Variants in TEAD1 observed in about 807,000 individuals in gnomAD.
TEAD1 encodes the protein transcriptional enhancer factor TEF-1.
A neutral mutation model predicts 54.9 loss-of-function variants in TEAD1; 9 were observed. That is an observed-to-expected ratio of 0.16 (90% confidence interval 0.10 to 0.29). The LOEUF (loss-of-function observed/expected upper bound fraction) is 0.29, where lower values mean the gene tolerates loss of function less well. Ranked by LOEUF, TEAD1 falls within the 10% of genes least tolerant of loss-of-function variation. The probability of loss-of-function intolerance (pLI) is 1.00; values close to 1 mark genes in which losing one functional copy is unlikely to be tolerated. For missense variants in TEAD1, 387 were observed against 535.9 expected, an observed-to-expected ratio of 0.72 and a Z score of 2.74; for synonymous variants, 200 against 187.8, an observed-to-expected ratio of 1.07 and a Z score of -0.53.
At chr11:12,825,648 T>C (rs1946637145) in intron 3 of TEAD1, among the ~76,000 whole-genome samples, 2 of 152,156 alleles carry the variant, frequency 1.3e-5, no homozygotes, top group Admixed American at 1.3e-4. Flanking sequence ...AAAAAAATTG[T>C]CAAGCTGTTT....
At chr11:12,815,827 A>G (rs894790684) in intron 3 of TEAD1, among the ~76,000 whole-genome samples, 3 of 152,246 alleles carry the variant, frequency 2.0e-5, no homozygotes, top group East Asian at 1.9e-4. Context: ...ACACCAACAC[A>G]TATAAGTTGT....
chr11:12,894,627 C>T (rs1307201453), intron 9 of TEAD1, among the ~76,000 whole-genome samples: 1 of 152,116 alleles, frequency 6.6e-6, no homozygotes, highest in Non-Finnish European at 1.5e-5. Flanking sequence ...ACGCCAGACC[C>T]CACAAGGCTT....
At chr11:12,867,232 T>A (rs747930779) in intron 5 of TEAD1, among the ~76,000 whole-genome samples, 3 of 152,142 alleles carry the variant, frequency 2.0e-5, no homozygotes, top group Non-Finnish European at 2.9e-5. Context: ...GGTGGGAGAA[T>A]GTTTTCAAGC....
At chr11:12,864,923 G>T in intron 5 of TEAD1, 23 bp downstream of exon 5, 1 of 1,613,660 alleles carries the variant, frequency 6.2e-7, no homozygotes, top group Non-Finnish European at 8.5e-7. Flanking sequence ...CTGCTTTTTG[G>T]CTTGTGGTTG....
At chr11:12,810,568 C>T (rs10500760) in intron 3 of TEAD1, among the ~76,000 whole-genome samples, 6,902 of 152,240 alleles carry the variant, frequency 0.045, 560 homozygotes, top group African/African-American at 0.16. Context: ...CCTTAGTCTT[C>T]GGAGTCGTTT....
At chr11:12,687,277 A>G (rs1220295966) in intron 2 of TEAD1, among the ~76,000 whole-genome samples, 1 of 152,210 alleles carries the variant, frequency 6.6e-6, no homozygotes, top group Non-Finnish European at 1.5e-5. Flanking sequence ...TTATCATACC[A>G]TCCATAACCC....
rs111385963 is a variant in TEAD1 at position 12,772,450 on chromosome 11, G to A, written c.202+8016G>A. Among the ~76,000 whole-genome samples the A allele has an allele frequency of 2.2e-3, 338 of 152,262 alleles. 1 individual carries two copies. The highest frequency in any genetic ancestry group is 7.4e-3 in the African/African-American group (308 of 41,544). ...AATGGAGGAGGATGGGGGGAGGGCCGAGAGGGGGCCTCATTGCTTCTCTCA... is the reference window on the plus strand; with the variant it reads ...AATGGAGGAGGATGGGGGGAGGGCCAAGAGGGGGCCTCATTGCTTCTCTCA... On this transcript the variant is annotated intron_variant, in intron 3 of 12. Transcript: ENST00000527636.
intron 9 of TEAD1, among the ~76,000 whole-genome samples, chr11:12,891,148 G>A (rs1190463107): frequency 6.6e-6 from 1 of 152,192 alleles, no homozygotes; most frequent in Non-Finnish European, 1.5e-5. Flanking sequence ...TAAGAGAATG[G>A]AAGGGAGATG....
intron 3 of TEAD1, among the ~76,000 whole-genome samples, chr11:12,859,048 C>A (rs925584716): frequency 2.0e-5 from 3 of 152,232 alleles, no homozygotes; most frequent in Admixed American, 2.0e-4. Context: ...ATGGGACCAC[C>A]ATCATGTATG....
At chr11:12,796,473 C>T (rs914928168) in intron 3 of TEAD1, among the ~76,000 whole-genome samples, 1 of 152,166 alleles carries the variant, frequency 6.6e-6, no homozygotes, top group Non-Finnish European at 1.5e-5. Flanking sequence ...TGCTTGTAAT[C>T]CCAGCACTTT....
rs775145832 is a variant in TEAD1 at position 12,925,022 on chromosome 11, C to G, written c.984C>G (p.Ser328=). The G allele has an allele frequency of 5.6e-6, 9 of 1,614,132 alleles. No homozygotes were observed. Among genetic ancestry groups the G allele is most frequent in the Non-Finnish European group, 7.6e-6 (9 of 1,180,028 alleles). The change falls in exon 11 of 13, where the codon TCC becomes TCG. Residue 328 remains serine, a synonymous_variant. Transcript: ENST00000527636. ...TCACCTGTTCCACCAAAGTTTGCTC[C>G]TTTGGGAAGCAAGTAGTAGAAAAAG...
intron 5 of TEAD1, among the ~76,000 whole-genome samples, chr11:12,874,997 T>A (rs1013650010): frequency 2.6e-5 from 4 of 152,212 alleles, no homozygotes; most frequent in East Asian, 1.9e-4. Context: ...CTTGCTCATA[T>A]GCACACGCAC....
chr11:12,877,841 C>T (rs984972142), intron 5 of TEAD1, among the ~76,000 whole-genome samples: 1 of 147,408 alleles, frequency 6.8e-6, no homozygotes, highest in Non-Finnish European at 1.5e-5. Context: ...ACTGCCCAGG[C>T]TTGAGTGCAG....
At chr11:12,691,557 G>C (rs1204907932) in intron 2 of TEAD1, among the ~76,000 whole-genome samples, 1 of 152,028 alleles carries the variant, frequency 6.6e-6, no homozygotes, top group Non-Finnish European at 1.5e-5. Flanking sequence ...GGCCTCTTTG[G>C]CTCTCATTTG....
chr11:12,698,022 C>CAAAA (rs1409217799), intron 2 of TEAD1, among the ~76,000 whole-genome samples: 1 of 61,200 alleles, frequency 1.6e-5, no homozygotes, highest in Non-Finnish European at 3.3e-5. Context: ...AACTCCGTCT[C>CAAAA]AAAAAAAAAA....
At chr11:12,824,991 G>T (rs564934403) in intron 3 of TEAD1, among the ~76,000 whole-genome samples, 96 of 152,116 alleles carry the variant, frequency 6.3e-4, no homozygotes, top group African/African-American at 2.2e-3. Context: ...TGACATTTTT[G>T]ATTCTGTTCT....
At chr11:12,760,413 T>C (rs1026935401) in intron 2 of TEAD1, among the ~76,000 whole-genome samples, 1 of 152,220 alleles carries the variant, frequency 6.6e-6, no homozygotes, top group Admixed American at 6.5e-5. Flanking sequence ...TTGAGTTCCA[T>C]GGCTTAAGGG....
intron 2 of TEAD1, among the ~76,000 whole-genome samples, chr11:12,760,520 A>G (rs1945078672): frequency 6.6e-6 from 1 of 152,142 alleles, no homozygotes; most frequent in Non-Finnish European, 1.5e-5. Flanking sequence ...TTATTTACTG[A>G]ATTTAGTGAA....
chr11:12,761,561 G>A (rs1945103645), intron 2 of TEAD1, among the ~76,000 whole-genome samples: 1 of 152,174 alleles, frequency 6.6e-6, no homozygotes, highest in Non-Finnish European at 1.5e-5. Context: ...ACCTCTGAGG[G>A]GCAGGAGCTT....
Sources: allele counts gnomAD v4.1 joint callset (sites outside exome capture counted in the v4.1 genomes callset), GRCh38; gene constraint gnomAD v4.1.1; transcripts MANE v1.5; gene names NCBI Gene and HGNC (gene_info 2026-07-23, HGNC 2026-07-21).